The following SNX22 variants were observed in gnomAD, a reference collection of about 807,000 sequenced individuals.
SNX22 encodes the protein sorting nexin 22, also known as sorting nexin-22.
A neutral mutation model predicts 24.7 loss-of-function variants in SNX22; 23 were observed. The ratio of observed to expected loss-of-function variants is 0.93; its 90% CI spans 0.67 to 1.32. The LOEUF (loss-of-function observed/expected upper bound fraction) is 1.32, where lower values mean the gene tolerates loss of function less well. Among genes scored for constraint, SNX22 ranks in the 40% most tolerant of loss-of-function variants. The probability of loss-of-function intolerance (pLI) is 0.00; values close to 1 mark genes in which losing one functional copy is unlikely to be tolerated. For synonymous variants in SNX22, 99 were observed against 104.0 expected (o/e 0.95, Z 0.29); for missense variants, 261 against 249.9 (o/e 1.04, Z -0.30).
chr15:64,154,165 A>G, intron 6 of SNX22, 163 bp downstream of exon 6: 5 of 1,578,328 alleles, frequency 3.2e-6, no homozygotes, highest in Non-Finnish European at 4.3e-6. Context: ...CAAGGAAAAC[A>G]AGTTTGGCTT....
chr15:64,154,060 G>C (rs1195688789), intron 6 of SNX22, 58 bp downstream of exon 6: 7 of 1,613,706 alleles, frequency 4.3e-6, no homozygotes, highest in Non-Finnish European at 2.5e-6. Context: ...TGCATTTCTC[G>C]GCTCCTGGGA....
chr15:64,153,709 T>C (rs2140177270), intron 5 of SNX22, 25 bp downstream of exon 5: 1 of 1,614,040 alleles, frequency 6.2e-7, no homozygotes, highest in Non-Finnish European at 8.5e-7. Flanking sequence ...TAGCCCGCGC[T>C]TGGCCCCTGC....
rs529070244 is a variant in SNX22 at position 64,151,743 on chromosome 15, C to A, written c.-33C>A. On this transcript the variant is annotated 5_prime_UTR_variant, in exon 1 of 7. Transcript: ENST00000325881. ...CTCCGGGAGAGTTAGGGCTCCGAGC[C>A]GAGCGCGCGGAGCAGCTGGGGCCGG... The A allele has an allele frequency of 3.9e-6, 6 of 1,521,848 alleles. No individual in the cohort carries two copies. The African/African-American group carries it at 7.1e-5, about 18-fold the overall frequency. 94.3% of individuals were successfully genotyped at this position (1,521,848 alleles called of 1,614,324 possible). A position where few individuals can be genotyped will look rare whatever the true frequency, so the allele number is the denominator to read the frequency against.
intron 6 of SNX22, 118 bp from the exon 7 acceptor site, chr15:64,154,269 A>G: frequency 6.3e-7 from 1 of 1,580,272 alleles, no homozygotes; most frequent in Admixed American, 1.8e-5. Context: ...TTTGGGGTGG[A>G]CAGCTGCTGT....
intron 6 of SNX22, 81 bp from the exon 7 acceptor site, chr15:64,154,306 C>A: frequency 4.4e-6 from 7 of 1,594,480 alleles, no homozygotes; most frequent in Non-Finnish European, 6.0e-6. Flanking sequence ...GGCTCCTACT[C>A]CCAAGTGGGG....
chr15:64,152,721 G>C lies in SNX22; in HGVS notation c.243G>C (p.Gln81His). 1 of 1,614,218 alleles carries C rather than the reference G, an allele frequency of 6.2e-7. No individual in the cohort carries two copies. The highest frequency in any genetic ancestry group is 8.5e-7 in the Non-Finnish European group (1 of 1,180,014). ...CCAGAGGGTTGGAACAGCGCCGGCA[G>C]GGCTTGGAGGCTTACATCCAGGTAT... ...WRTRGLEQRR[Q>H]GLEAYIQGIL... is the part of the protein sequence containing the mutation. Residue 81 changes from glutamine to histidine, a missense_variant, in exon 3 of 7, where the codon CAG (glutamine) becomes CAC (histidine). Transcript: ENST00000325881.
At chr15:64,152,602 G>A (rs201844254) in intron 2 of SNX22, 36 bp from the exon 3 acceptor site, 1 of 1,591,626 alleles carries the variant, frequency 6.3e-7, no homozygotes, top group African/African-American at 1.3e-5. Flanking sequence ...GGGCTCAGTC[G>A]GGATGCTGTG....
intron 4 of SNX22, 96 bp downstream of exon 4, chr15:64,153,435 G>T: frequency 6.3e-7 from 1 of 1,575,888 alleles, no homozygotes; most frequent in African/African-American, 1.4e-5. Context: ...CATCTGCCAG[G>T]ATCCAGCATG....
rs935287253 is a variant in SNX22, at chr15:64,155,592, G to A, written c.*1084G>A. ...ATACATCCCTTAACATAGACTGGAG[G>A]GTGGTGGCAAGGGGAGCAAATGTGG... is the stretch of plus-strand genomic sequence containing the variant. On this transcript the variant is annotated 3_prime_UTR_variant, in exon 7 of 7. Transcript: ENST00000325881. 1 of 241,766 alleles carries A rather than the reference G, an allele frequency of 4.1e-6. No homozygotes were observed. The allele number at this position is 241,766 out of a possible 1,614,324, so 15.0% of individuals were successfully genotyped here. A position where few individuals can be genotyped will look rare whatever the true frequency, so the allele number is the denominator to read the frequency against.
Position 64,151,766 on chromosome 15 carries a change from C to G in SNX22, c.-10C>G, listed in dbSNP as rs1255768480. Reference sequence around the variant, plus strand: ...GCCGAGCGCGCGGAGCAGCTGGGGCCGGGGCGCGGATGCTGGAAGTTCACA... The same window carrying G: ...GCCGAGCGCGCGGAGCAGCTGGGGCGGGGGCGCGGATGCTGGAAGTTCACA... On this transcript the variant is annotated 5_prime_UTR_variant, in exon 1 of 7. Transcript: ENST00000325881. The G allele has an allele frequency of 2.7e-6, 4 of 1,461,894 alleles. No individual in the cohort carries two copies. Among genetic ancestry groups the G allele is most frequent in the Non-Finnish European group, 2.7e-6 (3 of 1,099,158 alleles). 90.6% of individuals were successfully genotyped at this position (1,461,894 alleles called of 1,614,324 possible). A position where few individuals can be genotyped will look rare whatever the true frequency, so the allele number is the denominator to read the frequency against.
rs202175324 is a variant in SNX22, at chr15:64,154,379, T to C, written c.461-8T>C. The C allele has an allele frequency of 8.3e-5, 134 of 1,614,058 alleles. No individual in the cohort carries two copies. In the African/African-American group the frequency reaches 1.7e-3, roughly 20 times the overall value. ...CTGAGGCCAGACCTGTTTAATTCTA[T>C]CCCACAGAGTCGCTGCCCAACGTGG... On this transcript the variant is annotated splice_region_variant and splice_polypyrimidine_tract_variant and intron_variant, in intron 6 of 6. Coordinates refer to ENST00000325881, the MANE Select transcript of SNX22 (RefSeq NM_024798.3).
rs2081526106 is a variant in SNX22, at chr15:64,155,898, G to C, written c.*1390G>C. 1.4e-6 allele frequency: 2 copies of C among 1,438,922 alleles called. No individual in the cohort carries two copies. The highest frequency in any genetic ancestry group is 1.9e-6 in the Non-Finnish European group (2 of 1,030,954). The allele number at this position is 1,438,922 out of a possible 1,614,324, so 89.1% of individuals were successfully genotyped here. A position where few individuals can be genotyped will look rare whatever the true frequency, so the allele number is the denominator to read the frequency against. Reference sequence around the variant, plus strand: ...GTTACAAAAGTGAGTCCATGGGCCTGTGGAATGTGAGGGGAGTGGGTCCGC... The same window carrying C: ...GTTACAAAAGTGAGTCCATGGGCCTCTGGAATGTGAGGGGAGTGGGTCCGC... On this transcript the variant is annotated 3_prime_UTR_variant, in exon 7 of 7. Coordinates refer to ENST00000325881, the MANE Select transcript of SNX22 (RefSeq NM_024798.3).
rs1250649939 is a variant in SNX22, at chr15:64,156,195, C to A, written c.*1687C>A. ...AGGGCATGGTGGATCAGGAGGTCCA[C>A]CGCTCAGGAGAAAGGCCCCAGCGTA... On this transcript the variant is annotated 3_prime_UTR_variant, in exon 7 of 7. Transcript: ENST00000325881. This position sits in a 1 kb window ranked among gnomAD's most constrained non-coding sequence, Gnocchi z 6.4. The A allele has an allele frequency of 2.5e-6, 4 of 1,610,942 alleles. No individual in the cohort carries two copies. The highest frequency in any genetic ancestry group is 3.4e-6 in the Non-Finnish European group (4 of 1,178,402).
At position 64,153,672 on chromosome 15, in the gene SNX22, C is replaced by G. The variant is rs1009200658; in HGVS notation, c.380C>G (p.Pro127Arg). ...SNWGTLREFLPGDSSSQQHQR... is the reference protein window; with the variant it reads ...SNWGTLREFLRGDSSSQQHQR... ...TTCAGCACCCTGAGGGAGTTCCTGC[C>G]TGGCGACAGCAGGCAAGTCAAAGCC... is the stretch of plus-strand genomic sequence containing the variant. The change falls in exon 5 of 7, where the codon CCT becomes CGT. Residue 127 changes from proline to arginine, a missense_variant. Coordinates refer to ENST00000325881, the MANE Select transcript of SNX22 (RefSeq NM_024798.3). The G allele has an allele frequency of 3.7e-6, 6 of 1,614,100 alleles. No individual in the cohort carries two copies. Among genetic ancestry groups the G allele is most frequent in the Middle Eastern group, 3.3e-4 (2 of 6,062 alleles).
chr15:64,151,989 T>C (rs1237191225), intron 1 of SNX22, 139 bp downstream of exon 1: 15 of 932,076 alleles, frequency 1.6e-5, no homozygotes, highest in Non-Finnish European at 2.0e-5. Context: ...TGTCGAGGGT[T>C]TGGGGGCCGC....
rs1313726746 is a variant in SNX22 at position 64,152,277 on chromosome 15, GAC to G, written c.115_116del (p.Thr39GlyfsTer78). 1 of 1,489,822 alleles carries G rather than the reference GAC, an allele frequency of 6.7e-7. No homozygotes were observed. The allele number at this position is 1,489,822 out of a possible 1,614,324, so 92.3% of individuals were successfully genotyped here. On this transcript the variant is annotated frameshift_variant, in exon 2 of 7. Coordinates refer to ENST00000325881, the MANE Select transcript of SNX22 (RefSeq NM_024798.3). LOFTEE classifies it high-confidence loss of function. Reference sequence around the variant, plus strand: ...GTGGAGGTGCTGTGCAGCGGGCGCAGACACACGGTGCCAAGGCGCTACAGCGA... The same window carrying G: ...GTGGAGGTGCTGTGCAGCGGGCGCAGACACGGTGCCAAGGCGCTACAGCGA...
At position 64,156,234 on chromosome 15, in the gene SNX22, C is replaced by T; in HGVS notation, c.*1726C>T. The T allele has an allele frequency of 6.5e-7, 1 of 1,530,866 alleles. No homozygotes were observed. Among genetic ancestry groups the T allele is most frequent in the East Asian group, 2.3e-5 (1 of 43,048 alleles). 94.8% of individuals were successfully genotyped at this position (1,530,866 alleles called of 1,614,324 possible). On this transcript the variant is annotated 3_prime_UTR_variant, in exon 7 of 7. Coordinates refer to ENST00000325881, the MANE Select transcript of SNX22 (RefSeq NM_024798.3). This position sits in a 1 kb window ranked among gnomAD's most constrained non-coding sequence, Gnocchi z 6.4. ...GGCCCCAGCGTATGGCTCAGGAGGG[C>T]TAAGACCCACAAGTGATCAACAGCA...
rs1228904043 is a variant in SNX22, at chr15:64,154,667, A to G, written c.*159A>G. 7 of 927,404 alleles carry G rather than the reference A, an allele frequency of 7.5e-6. No homozygotes were observed. Among genetic ancestry groups the G allele is most frequent in the Admixed American group, 2.6e-5 (1 of 39,212 alleles). The allele number at this position is 927,404 out of a possible 1,614,324, so 57.4% of individuals were successfully genotyped here. On this transcript the variant is annotated 3_prime_UTR_variant, in exon 7 of 7. Transcript: ENST00000325881. ...ACTCAAGGCTCAGAACTTGGCTCGC[A>G]TTGGTAGCTGGAGGTGGTAGAATTT...
Position 64,154,615 on chromosome 15 carries a change from C to G in SNX22, c.*107C>G. Reference sequence around the variant, plus strand: ...TTGGCCTGGACCCAGGACTTAATTACCCAGTGCCCAGTTGTGCCACATTCC... The same window carrying G: ...TTGGCCTGGACCCAGGACTTAATTAGCCAGTGCCCAGTTGTGCCACATTCC... On this transcript the variant is annotated 3_prime_UTR_variant, in exon 7 of 7. Transcript: ENST00000325881. The G allele has an allele frequency of 2.9e-6, 4 of 1,398,744 alleles. No homozygotes were observed. In the South Asian group the frequency reaches 4.2e-5, roughly 15 times the overall value. The allele number at this position is 1,398,744 out of a possible 1,614,324, so 86.6% of individuals were successfully genotyped here.
Sources: gnomAD v4.1 joint callset for allele counts on GRCh38, gnomAD v4.1.1 for gene constraint, Gnocchi (gnomAD v3.1) non-coding constraint, MANE v1.5 for transcripts, NCBI Gene and HGNC (gene_info 2026-07-23, HGNC 2026-07-21) for gene names.